The following TMEM94 variants were observed in gnomAD, a reference collection of about 807,000 sequenced individuals.
The protein encoded by TMEM94 is transmembrane protein 94, also known as ER Mg2+ ATPase.
In TMEM94, 81 loss-of-function variants were observed where a neutral mutation model predicts 158.6. That is an observed-to-expected ratio of 0.51 (90% CI 0.43 to 0.61). The LOEUF is 0.61. Ranked by LOEUF, TMEM94 falls within the 20% of genes least tolerant of loss-of-function variation. TMEM94 has a pLI of 0.00. For missense variants in TMEM94, 1,435 were observed against 1,762.0 expected (o/e 0.81, Z 3.32); for synonymous variants, 751 against 730.7 (o/e 1.03, Z -0.45).
rs1053150862 is a variant in TMEM94, at chr17:75,496,264, G to C, written c.3054-18G>C. 1.1e-5 allele frequency: 18 copies of C among 1,613,952 alleles called. No individual in the cohort carries two copies. The highest frequency in any genetic ancestry group is 1.6e-4 in the Middle Eastern group (1 of 6,084). Reference sequence around the variant, plus strand: ...TGGGAGATACAGCTGAAGTGTGTGTGTCCCCCACCCTGAGCAGCATTGCCC... The same window carrying C: ...TGGGAGATACAGCTGAAGTGTGTGTCTCCCCCACCCTGAGCAGCATTGCCC... On this transcript the variant is annotated intron_variant, in intron 23 of 31. Transcript: ENST00000314256.
chr17:75,497,969 C>A, intron 27 of TMEM94, 107 bp downstream of exon 27: 2 of 1,201,138 alleles, frequency 1.7e-6, no homozygotes, highest in South Asian at 1.3e-5. Context: ...GGGATTCCAG[C>A]AGAACTCCGG....
chr17:75,493,693 T>C lies in TMEM94; in HGVS notation c.2190-6T>C. The C allele has an allele frequency of 6.2e-7, 1 of 1,613,964 alleles. No homozygotes were observed. Among genetic ancestry groups the C allele is most frequent in the Non-Finnish European group, 8.5e-7 (1 of 1,180,002 alleles). On this transcript the variant is annotated splice_polypyrimidine_tract_variant and splice_region_variant and intron_variant, in intron 17 of 31. Transcript: ENST00000314256. ...CTCACCTCACCTCCGCCTGCTTCCC[T>C]GGCAGAAAGAAAGTGCTGGACTTCT...
chr17:75,497,801 C>A lies in TMEM94; in HGVS notation c.3428C>A (p.Pro1143His). The A allele has an allele frequency of 1.2e-6, 2 of 1,613,850 alleles. No individual in the cohort carries two copies. Among genetic ancestry groups the A allele is most frequent in the Non-Finnish European group, 1.7e-6 (2 of 1,179,872 alleles). Residue 1143 changes from proline to histidine, a missense_variant, in exon 27 of 32, where the codon CCC becomes CAC. By Grantham distance (77) the Pro-to-His change is moderately conservative. This residue lies in a region of TMEM94 where 335 missense variants were observed against 409.1 expected (regional missense o/e 0.82). Coordinates refer to ENST00000314256, the MANE Select transcript of TMEM94 (RefSeq NM_014738.6). ...TTCAGCATCTCTCTGCTGGGGAAGC[C>A]CCCCCATAGCTCCATCATGTCTATG... Reference protein sequence around the residue: ...PLLSISLLGKPPHSSIMSMAT... With the variant: ...PLLSISLLGKHPHSSIMSMAT...
rs576663088 is a variant in TMEM94 at position 75,493,681 on chromosome 17, C to A, written c.2190-18C>A. 2.5e-6 allele frequency: 4 copies of A among 1,613,746 alleles called. No individual in the cohort carries two copies. Among genetic ancestry groups the A allele is most frequent in the Non-Finnish European group, 3.4e-6 (4 of 1,179,896 alleles). ...CAGGCAGGAACACTCACCTCACCTC[C>A]GCCTGCTTCCCTGGCAGAAAGAAAG... On this transcript the variant is annotated intron_variant, in intron 17 of 31. Transcript: ENST00000314256.
At chr17:75,483,712 A>G (rs2051355492) in intron 2 of TMEM94, among the ~76,000 whole-genome samples, 1 of 151,998 alleles carries the variant, frequency 6.6e-6, no homozygotes, top group Non-Finnish European at 1.5e-5. Context: ...TAGTGCACCC[A>G]TCTCAGCTTC....
In TMEM94 at chr17:75,499,822, CCCGAGTGCCT is replaced by C. The variant is rs2053124431; in HGVS notation, c.*491_*500del. 2.5e-5 allele frequency: 4 copies of C among 158,022 alleles called. No homozygotes were observed. 9.8% of individuals were successfully genotyped at this position (158,022 alleles called of 1,614,324 possible). On this transcript the variant is annotated 3_prime_UTR_variant, in exon 32 of 32. Transcript: ENST00000314256. ...GGGGTGGTGCTTGCCTGGATGTGGC[CCCGAGTGCCT>C]CCCCTCCCTCCCTCTGTGGGGGAGT...
rs907989521 is a variant in TMEM94 at position 75,498,036 on chromosome 17, A to G, written c.3490-139A>G. The G allele has an allele frequency of 3.2e-6, 4 of 1,258,282 alleles. No homozygotes were observed. In the Admixed American group the frequency reaches 8.0e-5, roughly 25 times the overall value. 77.9% of individuals were successfully genotyped at this position (1,258,282 alleles called of 1,614,324 possible). ...GAGGAGGTAGTGGCACAGAGCTGGG[A>G]AAGACCCTTGCTGGGGCTTGAGCTC... On this transcript the variant is annotated intron_variant, in intron 27 of 31. Coordinates refer to ENST00000314256, the MANE Select transcript of TMEM94 (RefSeq NM_014738.6). The surrounding 1 kb of genome is among the most constrained non-coding windows in gnomAD (Gnocchi z 6.7).
intron 1 of TMEM94, among the ~76,000 whole-genome samples, chr17:75,471,593 C>T (rs1014204299): frequency 2.0e-5 from 3 of 151,912 alleles, no homozygotes; most frequent in South Asian, 2.1e-4. Flanking sequence ...TGGTGATGCA[C>T]GCCTGTCATC....
chr17:75,492,180 C>A lies in TMEM94; in HGVS notation c.1596+280C>A. On this transcript the variant is annotated intron_variant, in intron 14 of 31. Coordinates refer to ENST00000314256, the MANE Select transcript of TMEM94 (RefSeq NM_014738.6). The surrounding 1 kb of genome is among the most constrained non-coding windows in gnomAD (Gnocchi z 4.4). ...CCGGAGCTCCCTCTTAGAGATGTTCCCTGGCCACAGAAGATCCCTCAACTG... is the reference window on the plus strand; with the variant it reads ...CCGGAGCTCCCTCTTAGAGATGTTCACTGGCCACAGAAGATCCCTCAACTG... 8.2e-7 allele frequency: 1 copy of A among 1,215,576 alleles called. No individual in the cohort carries two copies. The highest frequency in any genetic ancestry group is 1.1e-6 in the Non-Finnish European group (1 of 903,390). 75.3% of individuals were successfully genotyped at this position (1,215,576 alleles called of 1,614,324 possible).
At chr17:75,494,289 C>A (rs2052484331) in intron 18 of TMEM94, among the ~76,000 whole-genome samples, 1 of 152,216 alleles carries the variant, frequency 6.6e-6, no homozygotes, top group Non-Finnish European at 1.5e-5. Flanking sequence ...GAAGCTCCAC[C>A]ACGCCACCCC....
intron 2 of TMEM94, among the ~76,000 whole-genome samples, chr17:75,472,429 A>G (rs910349924): frequency 2.0e-5 from 3 of 152,250 alleles, no homozygotes; most frequent in African/African-American, 7.2e-5. Context: ...CCCAGCCTCC[A>G]TGTATACTAT....
chr17:75,467,754 G>A (rs190098416), intron 1 of TMEM94, among the ~76,000 whole-genome samples: 82 of 150,358 alleles, frequency 5.5e-4, no homozygotes, highest in Non-Finnish European at 2.4e-4. Context: ...GGATGGTCTC[G>A]ATCTCCTGAC....
At chr17:75,476,686 G>T in intron 2 of TMEM94, 1 of 1,535,700 alleles carries the variant, frequency 6.5e-7, no homozygotes, top group Non-Finnish European at 8.7e-7. Context: ...TCAGACTCTG[G>T]CCCATGCTCT....
rs527762802 is a variant in TMEM94 at position 75,457,850 on chromosome 17, C to A, written c.-107+1099C>A. ...GGCTTGAGTTCTTTATCCGCTAGAC[C>A]TAGTTGTTTCCTAGGTGTGACCTGA... On this transcript the variant is annotated intron_variant, in intron 1 of 31. Transcript: ENST00000314256. Among the ~76,000 whole-genome samples the A allele has an allele frequency of 1.1e-4, 16 of 152,218 alleles. No homozygotes were observed. In the South Asian group the frequency reaches 3.1e-3, roughly 30 times the overall value.
intron 10 of TMEM94, 70 bp downstream of exon 10, chr17:75,490,420 G>C: frequency 6.5e-7 from 1 of 1,531,688 alleles, no homozygotes; most frequent in East Asian, 2.3e-5. Flanking sequence ...GCCAGAGGAC[G>C]GGGGCAGAAG....
chr17:75,488,599 T>G (rs2051837166), intron 6 of TMEM94, among the ~76,000 whole-genome samples, 160 bp from the exon 7 acceptor site: 1 of 152,180 alleles, frequency 6.6e-6, no homozygotes. Context: ...CTGTTCTTTA[T>G]TCTCGCTAAA....
chr17:75,485,583 G>T lies in TMEM94; in HGVS notation c.144+36G>T, dbSNP rs781490894. 6.2e-7 allele frequency: 1 copy of T among 1,613,538 alleles called. No homozygotes were observed. Among genetic ancestry groups the T allele is most frequent in the South Asian group, 1.1e-5 (1 of 91,052 alleles). On this transcript the variant is annotated intron_variant, in intron 3 of 31. Coordinates refer to ENST00000314256, the MANE Select transcript of TMEM94 (RefSeq NM_014738.6). The surrounding 1 kb of genome is among the most constrained non-coding windows in gnomAD (Gnocchi z 5.5). The stretch of plus-strand genomic sequence containing the variant: ...TTCTCGGGGCTACCAGGGCCTGGCT[G>T]GGATGGCAGGGAAGTGTGGGAGGCC...
In TMEM94 at chr17:75,476,601, T is replaced by C. The variant is rs1438056396; in HGVS notation, c.24+4672T>C. 4.0e-6 allele frequency: 6 copies of C among 1,488,584 alleles called. No individual in the cohort carries two copies. In the Admixed American group the frequency reaches 1.3e-4, roughly 31 times the overall value. 92.2% of individuals were successfully genotyped at this position (1,488,584 alleles called of 1,614,324 possible). ...AGCTGTCTCCGTCTCTTCTCTCCTCTTCTCTCTCTCTCTCTTTTCACCCTC... is the reference window on the plus strand; with the variant it reads ...AGCTGTCTCCGTCTCTTCTCTCCTCCTCTCTCTCTCTCTCTTTTCACCCTC... On this transcript the variant is annotated intron_variant, in intron 2 of 31. Coordinates refer to ENST00000314256, the MANE Select transcript of TMEM94 (RefSeq NM_014738.6).
Position 75,495,096 on chromosome 17 carries a change from C to A in TMEM94, c.2728+62C>A. The A allele has an allele frequency of 6.3e-7, 1 of 1,587,082 alleles. No individual in the cohort carries two copies. The highest frequency in any genetic ancestry group is 8.6e-7 in the Non-Finnish European group (1 of 1,165,456). ...GTGGGAGGATTCCCCTCCTCAGAGCCACAGCCAGGAAGAGCCTCCGGAGAG... is the reference window on the plus strand; with the variant it reads ...GTGGGAGGATTCCCCTCCTCAGAGCAACAGCCAGGAAGAGCCTCCGGAGAG... On this transcript the variant is annotated intron_variant, in intron 20 of 31. Coordinates refer to ENST00000314256, the MANE Select transcript of TMEM94 (RefSeq NM_014738.6). This position sits in a 1 kb window ranked among gnomAD's most constrained non-coding sequence, Gnocchi z 5.6.
Sources: allele counts gnomAD v4.1 joint callset (sites outside exome capture counted in the v4.1 genomes callset), GRCh38; gene constraint gnomAD v4.1.1; regional missense constraint gnomAD v4.1.1; non-coding constraint Gnocchi (gnomAD v3.1); transcripts MANE v1.5; gene names NCBI Gene and HGNC (gene_info 2026-07-23, HGNC 2026-07-21).